Variants in UBASH3B observed in about 807,000 individuals in gnomAD.
UBASH3B encodes ubiquitin associated and SH3 domain containing B, also known as ubiquitin-associated and SH3 domain-containing protein B.
A neutral mutation model predicts 83.4 loss-of-function variants in UBASH3B; 37 were observed. That is an observed-to-expected ratio of 0.44 (90% CI 0.34 to 0.58). The LOEUF is 0.58. UBASH3B is among the 20% of genes least tolerant of loss of function. UBASH3B has a pLI of 0.01. For synonymous variants in UBASH3B, 304 were observed against 318.3 expected (o/e 0.96, Z 0.48); for missense variants, 657 against 827.2 (o/e 0.79, Z 2.52).
chr11:122,798,601 C>G (rs780917413), intron 9 of UBASH3B, among the ~76,000 whole-genome samples: 1 of 151,554 alleles, frequency 6.6e-6, no homozygotes, highest in African/African-American at 2.4e-5. Context: ...CTCCCAGCTA[C>G]TCGGGAGGCT....
In UBASH3B at chr11:122,783,167, G is replaced by A. The variant is rs2135151589; in HGVS notation, c.716G>A (p.Gly239Glu). The A allele has an allele frequency of 6.2e-7, 1 of 1,613,986 alleles. No individual in the cohort carries two copies. The highest frequency in any genetic ancestry group is 1.7e-5 in the Admixed American group (1 of 59,996). The change falls in exon 5 of 14, where the codon GGG becomes GAG. Residue 239 changes from glycine (G) to glutamate (E), a missense_variant. Around this residue, in one of 3 missense-constraint regions of UBASH3B, gnomAD observed 573 missense variants for 739.0 expected, o/e 0.78. Transcript: ENST00000284273. ...KLAQNIDVKL[G>E]CDWVATIFSR... ...GCCCAGAACATTGACGTCAAGCTAG[G>A]GTGTGACTGGGTGGCTACCATATTT...
At chr11:122,793,157 C>G (rs1861089415) in intron 6 of UBASH3B, among the ~76,000 whole-genome samples, 1 of 152,118 alleles carries the variant, frequency 6.6e-6, no homozygotes, top group African/African-American at 2.4e-5. Flanking sequence ...GCCAAGCAGG[C>G]AGATCACCTG....
At position 122,809,789 on chromosome 11, in the gene UBASH3B, A is replaced by T; in HGVS notation, c.1853A>T (p.Glu618Val). 2 of 1,614,186 alleles carry T rather than the reference A, an allele frequency of 1.2e-6. No homozygotes were observed. The highest frequency in any genetic ancestry group is 1.3e-5 in the African/African-American group (1 of 75,044). ...TTTTGTTCCTGTGAAGAATTAGGAG[A>T]AACTGGAATATGGCAGCTGACAGAT... ...LGFCSCEELG[E>V]TGIWQLTDPP... Residue 618 changes from glutamate to valine, a missense_variant, in exon 14 of 14, where the codon GAA becomes GTA. Transcript: ENST00000284273.
At chr11:122,689,958 G>A (rs372488027) in intron 1 of UBASH3B, among the ~76,000 whole-genome samples, 216 of 151,874 alleles carry the variant, frequency 1.4e-3, no homozygotes, top group African/African-American at 4.1e-3. Flanking sequence ...AGGACCCTCC[G>A]TGTGGGCAGC....
rs747504544 is a variant in UBASH3B, at chr11:122,759,319, C to A, written c.162-16900C>A. On this transcript the variant is annotated intron_variant, in intron 1 of 13. Transcript: ENST00000284273. This position sits in a 1 kb window ranked among gnomAD's most constrained non-coding sequence, Gnocchi z 4.1. ...TGCTTCTCCTTGGCCAGCAGGAAAG[C>A]GAGTCATTTAGAGCAGTGGTCCCCA... Among the ~76,000 whole-genome samples the A allele has an allele frequency of 3.2e-4, 49 of 152,132 alleles. No homozygotes were observed. The highest frequency in any genetic ancestry group is 1.2e-3 in the Admixed American group (18 of 15,274).
chr11:122,667,217 T>C (rs553469259), intron 1 of UBASH3B, among the ~76,000 whole-genome samples: 107 of 152,032 alleles, frequency 7.0e-4, no homozygotes, highest in African/African-American at 2.4e-3. Flanking sequence ...TGGCTAATTT[T>C]TGTATTTGTA....
intron 1 of UBASH3B, among the ~76,000 whole-genome samples, chr11:122,744,827 T>A (rs1861085954): frequency 1.3e-5 from 2 of 151,558 alleles, no homozygotes; most frequent in South Asian, 4.2e-4. Flanking sequence ...TATATATGTG[T>A]GTGGCCAGGG....
At position 122,810,552 on chromosome 11, in the gene UBASH3B, C is replaced by T. The variant is rs1861428265; in HGVS notation, c.*666C>T. The T allele has an allele frequency of 6.6e-6, 1 of 152,556 alleles. No homozygotes were observed. The highest frequency in any genetic ancestry group is 1.5e-5 in the Non-Finnish European group (1 of 68,050). 9.5% of individuals were successfully genotyped at this position (152,556 alleles called of 1,614,324 possible). On this transcript the variant is annotated 3_prime_UTR_variant, in exon 14 of 14. Transcript: ENST00000284273. The stretch of plus-strand genomic sequence containing the variant: ...GCTACAGCCCTATCCCCCCTCCTTG[C>T]TTCTGTGAAATGGGGAGACAAAGCA...
chr11:122,798,893 G>A (rs376238751), intron 9 of UBASH3B, 49 bp from the exon 10 acceptor site: 1 of 1,551,186 alleles, frequency 6.4e-7, no homozygotes, highest in Admixed American at 1.7e-5. Context: ...GGGTCAAGGT[G>A]AGACTGAGTA....
At chr11:122,789,400 A>G in intron 6 of UBASH3B, 92 bp downstream of exon 6, 1 of 1,400,088 alleles carries the variant, frequency 7.1e-7, no homozygotes, top group Non-Finnish European at 1.0e-6. Flanking sequence ...AATGGAGTCC[A>G]TGGGAAGAAG....
chr11:122,814,445 G>T lies in UBASH3B; in HGVS notation c.*4559G>T, dbSNP rs564161428. 1 of 152,672 alleles carries T rather than the reference G, an allele frequency of 6.5e-6. No individual in the cohort carries two copies. The highest frequency in any genetic ancestry group is 2.1e-4 in the South Asian group (1 of 4,824). 9.5% of individuals were successfully genotyped at this position (152,672 alleles called of 1,614,324 possible). A position where few individuals can be genotyped will look rare whatever the true frequency, so the allele number is the denominator to read the frequency against. On this transcript the variant is annotated 3_prime_UTR_variant, in exon 14 of 14. Transcript: ENST00000284273. ...CATCTCCATTAAATGGTTCATAGATGATTTAATAAAAAGAAACTTCTCAGT... is the reference window on the plus strand; with the variant it reads ...CATCTCCATTAAATGGTTCATAGATTATTTAATAAAAAGAAACTTCTCAGT...
chr11:122,659,141 T>A (rs1863401099), intron 1 of UBASH3B, among the ~76,000 whole-genome samples: 3 of 152,144 alleles, frequency 2.0e-5, no homozygotes, highest in Admixed American at 6.5e-5. Flanking sequence ...TAGGGCCCAC[T>A]TGGATAATCC....
chr11:122,738,717 C>G (rs1591793369), intron 1 of UBASH3B, among the ~76,000 whole-genome samples: 1 of 151,920 alleles, frequency 6.6e-6, no homozygotes, highest in Non-Finnish European at 1.5e-5. Flanking sequence ...GGAGAAACCC[C>G]GTCTCTACAA....
At chr11:122,734,843 T>C (rs1860906988) in intron 1 of UBASH3B, among the ~76,000 whole-genome samples, 1 of 151,742 alleles carries the variant, frequency 6.6e-6, no homozygotes, top group Admixed American at 6.6e-5. Context: ...CTTAGAGAAA[T>C]GATCCTGCAT....
At chr11:122,717,414 C>T (rs1482340139) in intron 1 of UBASH3B, among the ~76,000 whole-genome samples, 1 of 152,216 alleles carries the variant, frequency 6.6e-6, no homozygotes, top group East Asian at 1.9e-4. Context: ...TGAGAGATTT[C>T]CTGGCAGTAA....
chr11:122,802,473 A>G (rs1002045210), intron 11 of UBASH3B, among the ~76,000 whole-genome samples: 8 of 152,208 alleles, frequency 5.3e-5, no homozygotes, highest in Non-Finnish European at 1.0e-4. Context: ...AGAGTTTGTA[A>G]CAAGTGGTCA....
At chr11:122,681,357 T>C (rs1863736020) in intron 1 of UBASH3B, among the ~76,000 whole-genome samples, 1 of 152,190 alleles carries the variant, frequency 6.6e-6, no homozygotes, top group South Asian at 2.1e-4. Flanking sequence ...GCCAGATTCC[T>C]CAGTCAAACA....
chr11:122,771,712 A>C (rs1339538238), intron 1 of UBASH3B, among the ~76,000 whole-genome samples: 1 of 151,574 alleles, frequency 6.6e-6, no homozygotes, highest in African/African-American at 2.4e-5. Flanking sequence ...CACCTTAATA[A>C]GTATTTATGT....
At chr11:122,690,550 CTCAAAGATGGGG>C (rs1863881595) in intron 1 of UBASH3B, among the ~76,000 whole-genome samples, 1 of 151,902 alleles carries the variant, frequency 6.6e-6, no homozygotes, top group Non-Finnish European at 1.5e-5. Flanking sequence ...TCTCAGCGGC[CTCAAAGATGGGG>C]TCCTGGCAGT....
Sources: allele counts gnomAD v4.1 joint callset (sites outside exome capture counted in the v4.1 genomes callset), GRCh38; gene constraint gnomAD v4.1.1; regional missense constraint gnomAD v4.1.1; non-coding constraint Gnocchi (gnomAD v3.1); transcripts MANE v1.5; gene names NCBI Gene and HGNC (gene_info 2026-07-23, HGNC 2026-07-21).